The following ANKRD18A variants were observed in gnomAD, a reference collection of about 807,000 sequenced individuals.
ANKRD18A encodes ankyrin repeat domain-containing protein 18A.
In ANKRD18A, 72 loss-of-function variants were observed where a neutral mutation model predicts 110.6. The observed-to-expected ratio is 0.65, with a 90% CI of 0.54 to 0.79. ANKRD18A has a LOEUF of 0.79. Ranked by LOEUF, ANKRD18A falls within the 30% of genes least tolerant of loss-of-function variation. The pLI, the probability that ANKRD18A is intolerant of heterozygous loss-of-function variation, is 0.00. For synonymous variants in ANKRD18A, 305 were observed against 410.3 expected, an observed-to-expected ratio of 0.74 and a Z score of 3.10; for missense variants, 934 against 1,163.3, an observed-to-expected ratio of 0.80 and a Z score of 2.87.
chr9:38,615,632 G>A lies in ANKRD18A; in HGVS notation c.457C>T (p.Leu153=), dbSNP rs148902919. The change falls in exon 3 of 16, where the codon CTG becomes TTG. Residue 153 remains leucine, a synonymous_variant. Coordinates refer to ENST00000399703, the MANE Select transcript of ANKRD18A (RefSeq NM_147195.4). ...YNKGTSLAER[L]LSHHANIEAL... The stretch of plus-strand genomic sequence containing the variant: ...TCAATATTTGCATGGTGGGAAAGCA[G>A]TCTTTCTGCCAGTGAAGTCCCCTTA... The A allele has an allele frequency of 0.023, 36,690 of 1,610,156 alleles. 514 individuals are homozygous for A. The highest frequency in any genetic ancestry group is 0.026 in the Non-Finnish European group (30,105 of 1,178,854).
At chr9:38,606,875 A>T (rs1388629090) in intron 6 of ANKRD18A, among the ~76,000 whole-genome samples, 11 of 152,138 alleles carry the variant, frequency 7.2e-5, no homozygotes, top group South Asian at 6.2e-4. Context: ...AATATGTAGA[A>T]TTTCAAGGAT....
chr9:38,613,097 A>G (rs1298246729), intron 3 of ANKRD18A, among the ~76,000 whole-genome samples: 1 of 152,134 alleles, frequency 6.6e-6, no homozygotes, highest in Admixed American at 6.5e-5. Context: ...AATATATTAT[A>G]AAAAAGGAGT....
At chr9:38,610,072 C>T (rs1459813999) in intron 5 of ANKRD18A, among the ~76,000 whole-genome samples, 3 of 152,044 alleles carry the variant, frequency 2.0e-5, no homozygotes, top group Admixed American at 1.3e-4. Flanking sequence ...TTTAAAAGTC[C>T]GGAAAGAATC....
intron 1 of ANKRD18A, among the ~76,000 whole-genome samples, chr9:38,619,188 G>T (rs1376452474): frequency 1.3e-5 from 2 of 151,948 alleles, no homozygotes; most frequent in Non-Finnish European, 2.9e-5. Flanking sequence ...ATAAGTCTTT[G>T]CGTTTTCTTC....
intron 6 of ANKRD18A, among the ~76,000 whole-genome samples, chr9:38,607,125 C>T (rs146966512): frequency 0.026 from 3,900 of 152,212 alleles, 76 homozygotes; most frequent in Middle Eastern, 0.048. Flanking sequence ...GGTGCAATCT[C>T]GGCTCACTGC....
chr9:38,608,338 C>A lies in ANKRD18A; in HGVS notation c.741-845G>T, dbSNP rs549557592. ...CATCTTCTTGGTCCTCTCCAACTGA[C>A]ATACAAGACAAAGCCCTGCTTGTAT... On this transcript the variant is annotated intron_variant, in intron 5 of 15. Coordinates refer to ENST00000399703, the MANE Select transcript of ANKRD18A (RefSeq NM_147195.4). Among the ~76,000 whole-genome samples the A allele has an allele frequency of 7.9e-5, 12 of 152,074 alleles. 1 individual carries two copies. Among genetic ancestry groups the A allele is most frequent in the African/African-American group, 2.9e-4 (12 of 41,506 alleles).
At chr9:38,599,624 C>G (rs1002058225) in intron 8 of ANKRD18A, among the ~76,000 whole-genome samples, 1 of 152,054 alleles carries the variant, frequency 6.6e-6, no homozygotes, top group Non-Finnish European at 1.5e-5. Flanking sequence ...ACCACCACAC[C>G]CAGCTAATTT....
chr9:38,583,392 TA>T (rs1014070918), intron 12 of ANKRD18A, among the ~76,000 whole-genome samples: 2 of 152,168 alleles, frequency 1.3e-5, no homozygotes, highest in African/African-American at 2.4e-5. Context: ...ATTATTACTA[TA>T]TTTTTTTTGA....
At chr9:38,569,396 C>T (rs1187955092), downstream of ANKRD18A, 4 of 985,288 alleles carry the variant, frequency 4.1e-6, no homozygotes, top group African/African-American at 1.7e-5. Context: ...GCAGGTCCCA[C>T]TCACCTGAGT....
intron 12 of ANKRD18A, among the ~76,000 whole-genome samples, chr9:38,579,597 C>G (rs1027651113): frequency 6.6e-6 from 1 of 152,024 alleles, no homozygotes; most frequent in African/African-American, 2.4e-5. Flanking sequence ...CACTAATCAT[C>G]AGGGAAATAC....
intron 15 of ANKRD18A, chr9:38,572,946 T>G (rs1228647946): frequency 2.4e-6 from 1 of 421,628 alleles, no homozygotes; most frequent in African/African-American, 2.1e-5. Context: ...CGTTTTCACA[T>G]CTTTCATTAG....
At chr9:38,570,478 G>A (rs2381847), downstream of ANKRD18A, among the ~76,000 whole-genome samples, 2 of 151,774 alleles carry the variant, frequency 1.3e-5, no homozygotes, top group African/African-American at 4.8e-5. Context: ...ACTAATAAGA[G>A]CACCACTGAC....
intron 1 of ANKRD18A, among the ~76,000 whole-genome samples, chr9:38,617,444 CG>C (rs1825904381): frequency 6.6e-6 from 1 of 151,418 alleles, no homozygotes. Context: ...TGTCGCAAAA[CG>C]AAAAAACAAA....
At chr9:38,605,350 A>G (rs1825305487) in intron 6 of ANKRD18A, among the ~76,000 whole-genome samples, 1 of 152,220 alleles carries the variant, frequency 6.6e-6, no homozygotes, top group South Asian at 2.1e-4. Flanking sequence ...TTAAATAGTT[A>G]TCTATATTCT....
chr9:38,574,443 T>TGCATGTGG (rs1823790106), intron 15 of ANKRD18A, among the ~76,000 whole-genome samples: 1 of 152,136 alleles, frequency 6.6e-6, no homozygotes, highest in Non-Finnish European at 1.5e-5. Flanking sequence ...ATGGGGTTGC[T>TGCATGTGG]GCATGTGGGA....
rs372562576 is a variant in ANKRD18A, at chr9:38,615,690, G to A, written c.399C>T (p.Tyr133=). The change falls in exon 3 of 16, where the codon TAC becomes TAT. Residue 133 remains tyrosine, a synonymous_variant. Transcript: ENST00000399703. ...CGANPNIEDI[Y]GNTALHYAVY... ...CGGCATAATGGAGAGCAGTGTTGCC[G>A]TAGATATCCTCAATGTTTGGATTGG... 8.5e-5 allele frequency: 137 copies of A among 1,612,540 alleles called. 1 individual carries two copies. Among genetic ancestry groups the A allele is most frequent in the East Asian group, 4.0e-4 (18 of 44,868 alleles).
Position 38,620,162 on chromosome 9 carries a change from C to T in ANKRD18A, c.124G>A (p.Ala42Thr). The T allele has an allele frequency of 1.3e-6, 2 of 1,568,768 alleles. No individual in the cohort carries two copies. The highest frequency in any genetic ancestry group is 1.7e-6 in the Non-Finnish European group (2 of 1,156,814). The change falls in exon 1 of 16, where the codon GCC becomes ACC. Residue 42 changes from alanine (A) to threonine (T), a missense_variant. Ala to Thr is a moderately conservative substitution (Grantham distance 58). This residue lies in a region of ANKRD18A where 630 missense variants were observed against 797.5 expected (regional missense o/e 0.79). Transcript: ENST00000399703. ...DWELRKIHRA[A>T]IKGDAAEVER... ...ACCTCCGCGGCGTCGCCCTTGATGG[C>T]AGCCCTGTGGATCTTCCGCAGTTCC...
intron 15 of ANKRD18A, chr9:38,573,246 A>C (rs1218841446): frequency 6.2e-6 from 3 of 481,622 alleles, no homozygotes; most frequent in African/African-American, 6.0e-5. Flanking sequence ...ACATAACACA[A>C]AGTTTGCTTA....
At chr9:38,567,756 G>A (rs1823516919), downstream of ANKRD18A, 1 of 152,296 alleles carries the variant, frequency 6.6e-6, no homozygotes, top group Admixed American at 6.5e-5. Context: ...CATCTCTGGT[G>A]AAGTGATGGC....
Sources: allele counts gnomAD v4.1 joint callset (sites outside exome capture counted in the v4.1 genomes callset), GRCh38; gene constraint gnomAD v4.1.1; regional missense constraint gnomAD v4.1.1; transcripts MANE v1.5; gene names NCBI Gene and HGNC (gene_info 2026-07-23, HGNC 2026-07-21).